PAPPA: variants seen among roughly 807,000 people sequenced by gnomAD.
PAPPA encodes the protein pappalysin 1.
In PAPPA, 60 loss-of-function variants were observed where a neutral mutation model predicts 164.0. The ratio of observed to expected loss-of-function variants is 0.37; its 90% CI spans 0.30 to 0.45. The LOEUF (loss-of-function observed/expected upper bound fraction) is 0.45. PAPPA is among the 20% of genes least tolerant of loss of function. The pLI, the probability that PAPPA is intolerant of heterozygous loss-of-function variation, is 1.00. For synonymous variants in PAPPA, 875 were observed against 814.1 expected, an observed-to-expected ratio of 1.07 and a Z score of -1.27; for missense variants, 1,782 against 2,087.3, an observed-to-expected ratio of 0.85 and a Z score of 2.85.
intron 11 of PAPPA, among the ~76,000 whole-genome samples, chr9:116,331,855 T>C (rs572839449): frequency 6.6e-6 from 1 of 152,210 alleles, no homozygotes; most frequent in Non-Finnish European, 1.5e-5. Context: ...ATATCTTATT[T>C]AGCTTTCTCT....
intron 6 of PAPPA, among the ~76,000 whole-genome samples, 179 bp downstream of exon 6, chr9:116,227,731 C>T (rs540844569): frequency 6.6e-6 from 1 of 152,314 alleles, no homozygotes; most frequent in African/African-American, 2.4e-5. Flanking sequence ...TTTTTGAGCA[C>T]TTGCACTATC....
At chr9:116,219,315 C>G (rs1844413545) in intron 4 of PAPPA, among the ~76,000 whole-genome samples, 1 of 152,224 alleles carries the variant, frequency 6.6e-6, no homozygotes, top group African/African-American at 2.4e-5. Flanking sequence ...TGTACCTCAT[C>G]ATGGGCAGGA....
chr9:116,305,134 G>GACACACACACACACACACACACACAC (rs57723920), intron 10 of PAPPA, among the ~76,000 whole-genome samples: 1 of 129,864 alleles, frequency 7.7e-6, no homozygotes. Flanking sequence ...TGGGCACACA[G>GACACACACACACACACACACACACAC]ACACACACAC....
intron 1 of PAPPA, among the ~76,000 whole-genome samples, chr9:116,168,341 G>T (rs1587936225): frequency 1.3e-5 from 2 of 152,138 alleles, no homozygotes; most frequent in Admixed American, 1.3e-4. Flanking sequence ...AGAAGAACAA[G>T]GCATAGTTCC....
At chr9:116,246,031 G>A (rs983200831) in intron 7 of PAPPA, among the ~76,000 whole-genome samples, 1 of 152,168 alleles carries the variant, frequency 6.6e-6, no homozygotes, top group Admixed American at 6.5e-5. Context: ...ATGGAAAATT[G>A]TGTGTAGTTA....
At chr9:116,313,466 A>G (rs1201704265) in intron 10 of PAPPA, among the ~76,000 whole-genome samples, 1 of 152,208 alleles carries the variant, frequency 6.6e-6, no homozygotes, top group African/African-American at 2.4e-5. Context: ...TGCAGATGCC[A>G]CCTGGGTAAT....
intron 1 of PAPPA, among the ~76,000 whole-genome samples, chr9:116,186,619 A>G (rs1239606744): frequency 1.3e-5 from 2 of 152,178 alleles, no homozygotes; most frequent in African/African-American, 4.8e-5. Context: ...TGGCAGATGT[A>G]CACTCAAAGT....
intron 7 of PAPPA, among the ~76,000 whole-genome samples, chr9:116,244,792 G>A (rs1844777196): frequency 6.6e-6 from 1 of 152,132 alleles, no homozygotes; most frequent in South Asian, 2.1e-4. Flanking sequence ...ACTACTGTTT[G>A]ATCCAGCAAT....
At chr9:116,255,079 T>C (rs1479504141) in intron 7 of PAPPA, among the ~76,000 whole-genome samples, 2 of 151,848 alleles carry the variant, frequency 1.3e-5, no homozygotes, top group East Asian at 3.9e-4. Flanking sequence ...ATATATAATA[T>C]AATATACTCT....
At chr9:116,367,582 G>A in intron 18 of PAPPA, 63 bp from the exon 19 acceptor site, 4 of 1,199,454 alleles carry the variant, frequency 3.3e-6, no homozygotes, top group Non-Finnish European at 4.9e-6. Flanking sequence ...CTCTGCAGGA[G>A]GGCAGTTTGC....
At chr9:116,295,124 A>T (rs944369347) in intron 9 of PAPPA, among the ~76,000 whole-genome samples, 2 of 152,206 alleles carry the variant, frequency 1.3e-5, no homozygotes, top group Non-Finnish European at 2.9e-5. Context: ...GAAGATTAGT[A>T]ACCTCAATAG....
chr9:116,228,735 T>C (rs1844548196), intron 6 of PAPPA, among the ~76,000 whole-genome samples: 1 of 152,026 alleles, frequency 6.6e-6, no homozygotes, highest in Non-Finnish European at 1.5e-5. Flanking sequence ...ATGCCTGGGG[T>C]CATCTGGCCC....
intron 14 of PAPPA, among the ~76,000 whole-genome samples, chr9:116,346,119 CT>C (rs1378222409): frequency 6.6e-6 from 1 of 152,104 alleles, no homozygotes; most frequent in Non-Finnish European, 1.5e-5. Context: ...TTGATGTGTG[CT>C]TAAGAGGGAA....
chr9:116,286,406 G>A (rs1845339540), intron 9 of PAPPA: 1 of 152,224 alleles, frequency 6.6e-6, no homozygotes, highest in Admixed American at 6.5e-5. Flanking sequence ...AAGAACTGCA[G>A]GTCTGCCACC....
At chr9:116,205,338 C>T (rs1413473469) in intron 2 of PAPPA, among the ~76,000 whole-genome samples, 2 of 152,218 alleles carry the variant, frequency 1.3e-5, no homozygotes, top group Non-Finnish European at 2.9e-5. Context: ...CCCTACCCCA[C>T]CCTTTTTCTC....
chr9:116,253,260 A>G lies in PAPPA; in HGVS notation c.2733-12597A>G, dbSNP rs1352355195. On this transcript the variant is annotated intron_variant, in intron 7 of 21. Transcript: ENST00000328252. Reference sequence around the variant, plus strand: ...CTCTCCAAACTCTACTTTGTGTTACAATCACACTCTACTTGGTTTATCCTC... The same window carrying G: ...CTCTCCAAACTCTACTTTGTGTTACGATCACACTCTACTTGGTTTATCCTC... Among the ~76,000 whole-genome samples, 3 of 152,088 alleles carry G rather than the reference A, an allele frequency of 2.0e-5. No homozygotes were observed. In the East Asian group the frequency reaches 5.8e-4, roughly 29 times the overall value.
chr9:116,392,735 G>A (rs1846910756), intron 21 of PAPPA, among the ~76,000 whole-genome samples: 1 of 152,134 alleles, frequency 6.6e-6, no homozygotes, highest in South Asian at 2.1e-4. Flanking sequence ...CCTCTACATT[G>A]GGCACTCTGA....
In PAPPA at chr9:116,400,030, AAAG is replaced by A. The variant is rs1208809226; in HGVS notation, c.*3417_*3419del. The A allele has an allele frequency of 1.4e-5, 2 of 142,828 alleles. No individual in the cohort carries two copies. Among genetic ancestry groups the A allele is most frequent in the East Asian group, 2.3e-4 (1 of 4,442 alleles). The allele number at this position is 142,828 out of a possible 1,614,324, so 8.8% of individuals were successfully genotyped here. A position where few individuals can be genotyped will look rare whatever the true frequency, so the allele number is the denominator to read the frequency against. On this transcript the variant is annotated 3_prime_UTR_variant, in exon 22 of 22. Coordinates refer to ENST00000328252, the MANE Select transcript of PAPPA (RefSeq NM_002581.5). ...GGTCTTACCTGTGTGAAAGAAAGAA[AAAG>A]AAAGAAAGAAAGAAAGAGAAAGGAA...
intron 19 of PAPPA, among the ~76,000 whole-genome samples, chr9:116,375,796 C>A (rs994024955): frequency 2.6e-5 from 4 of 152,134 alleles, no homozygotes; most frequent in Non-Finnish European, 5.9e-5. Context: ...CATTTTGGCC[C>A]AGGTGACTCT....
Sources: allele counts gnomAD v4.1 joint callset (sites outside exome capture counted in the v4.1 genomes callset), GRCh38; gene constraint gnomAD v4.1.1; transcripts MANE v1.5; gene names NCBI Gene and HGNC (gene_info 2026-07-23, HGNC 2026-07-21).